Variants in ERICH6 observed in about 807,000 individuals in gnomAD.
ERICH6 encodes the protein glutamate rich 6, also known as glutamate-rich protein 6.
Under a neutral mutation model 71.0 loss-of-function variants are expected in ERICH6, and 71 were observed. The observed-to-expected ratio is 1.00, with a 90% CI of 0.83 to 1.22. The LOEUF (loss-of-function observed/expected upper bound fraction) is 1.22. Among genes scored for constraint, ERICH6 ranks in the 50% most tolerant of loss-of-function variants. The probability of loss-of-function intolerance (pLI) is 0.00; values close to 1 mark genes in which losing one functional copy is unlikely to be tolerated. For synonymous variants in ERICH6, 262 were observed against 278.4 expected (o/e 0.94, Z 0.59); for missense variants, 808 against 797.2 (o/e 1.01, Z -0.16).
At position 150,686,345 on chromosome 3, in the gene ERICH6, G is replaced by A; in HGVS notation, c.563C>T (p.Ala188Val). 2 of 1,614,128 alleles carry A rather than the reference G, an allele frequency of 1.2e-6. No homozygotes were observed. The highest frequency in any genetic ancestry group is 1.7e-6 in the Non-Finnish European group (2 of 1,180,008). ...TTCAGGTTCAGCTTTCTCTTTAGAGGCTTTCTTCCCTGTGAAAACAGGGTA... is the reference window on the plus strand; with the variant it reads ...TTCAGGTTCAGCTTTCTCTTTAGAGACTTTCTTCCCTGTGAAAACAGGGTA... The part of the protein sequence containing the change: ...LSDKVQSRKK[A>V]SKEKAEPECL... Residue 188 changes from alanine to valine, a missense_variant, in exon 4 of 14, where the codon GCC becomes GTC. This residue lies in a region of ERICH6 where 736 missense variants were observed against 712.2 expected (regional missense o/e 1.03). Transcript: ENST00000295910.
chr3:150,703,358 T>G (rs1713011791), intron 1 of ERICH6, 138 bp downstream of exon 1: 2 of 1,419,126 alleles, frequency 1.4e-6, no homozygotes, highest in East Asian at 5.1e-5. Context: ...TGAGAGAGAT[T>G]AGGTGTGTGG....
At chr3:150,683,758 T>C (rs1712062357) in intron 6 of ERICH6, among the ~76,000 whole-genome samples, 1 of 151,852 alleles carries the variant, frequency 6.6e-6, no homozygotes, top group Admixed American at 6.6e-5. Flanking sequence ...TGAGACTCCA[T>C]CTCAAAACAA....
At position 150,701,562 on chromosome 3, in the gene ERICH6, A is replaced by C. The variant is rs930207184; in HGVS notation, c.461+559T>G. On this transcript the variant is annotated intron_variant, in intron 2 of 13. Transcript: ENST00000295910. ...GACAGAACAATTCTCCTTAGACTTAAGAATTCAAAAGTTGCTTACAAAAGC... is the reference window on the plus strand; with the variant it reads ...GACAGAACAATTCTCCTTAGACTTACGAATTCAAAAGTTGCTTACAAAAGC... Among the ~76,000 whole-genome samples the C allele has an allele frequency of 2.0e-5, 3 of 152,332 alleles. No homozygotes were observed. The East Asian group carries it at 5.8e-4, about 29-fold the overall frequency.
At position 150,680,500 on chromosome 3, in the gene ERICH6, A is replaced by G. The variant is rs1463685739; in HGVS notation, c.1079T>C (p.Ile360Thr). Residue 360 changes from isoleucine (I) to threonine (T), a missense_variant, in exon 9 of 14, where the codon ATA (isoleucine) becomes ACA (threonine). This residue lies in a region of ERICH6 where 736 missense variants were observed against 712.2 expected (regional missense o/e 1.03). Coordinates refer to ENST00000295910, the MANE Select transcript of ERICH6 (RefSeq NM_152394.5). ...EQRMARHFAI[I>T]SREQTHFSED... ...AGAGAAATGAGTCTGTTCCCTTGAT[A>G]TTATTGCAAAATGTCTGGCCATTCG... 1 of 1,614,220 alleles carries G rather than the reference A, an allele frequency of 6.2e-7. No homozygotes were observed. Among genetic ancestry groups the G allele is most frequent in the Non-Finnish European group, 8.5e-7 (1 of 1,180,014 alleles).
chr3:150,695,233 C>A (rs946583364), intron 3 of ERICH6, among the ~76,000 whole-genome samples: 1 of 152,168 alleles, frequency 6.6e-6, no homozygotes, highest in Non-Finnish European at 1.5e-5. Flanking sequence ...GTCCACTAGA[C>A]CCTCAACTGA....
At chr3:150,703,460 G>C in intron 1 of ERICH6, 36 bp downstream of exon 1, 9 of 1,528,564 alleles carry the variant, frequency 5.9e-6, no homozygotes, top group Non-Finnish European at 6.1e-6. Context: ...CTGGAGACGA[G>C]AAACCCTCGA....
Position 150,666,823 on chromosome 3 carries a change from G to A in ERICH6, c.1692C>T (p.Gly564=), listed in dbSNP as rs748571923. 1 of 1,613,988 alleles carries A rather than the reference G, an allele frequency of 6.2e-7. No individual in the cohort carries two copies. Among genetic ancestry groups the A allele is most frequent in the South Asian group, 1.1e-5 (1 of 91,062 alleles). ...DKISITFLAM[G]QQARISVGTK... is the part of the protein sequence containing the mutation. ...TTCCAACACTGATTCTTGCCTGTTG[G>A]CCCATTGCTAGAAAAGTTATAGAAA... The change falls in exon 13 of 14, where the codon GGC becomes GGT. Residue 564 remains glycine (G), a synonymous_variant. Coordinates refer to ENST00000295910, the MANE Select transcript of ERICH6 (RefSeq NM_152394.5).
At position 150,703,587 on chromosome 3, in the gene ERICH6, A is replaced by G; in HGVS notation, c.312T>C (p.Pro104=). The change falls in exon 1 of 14, where the codon CCT becomes CCC. Residue 104 remains proline (P), a synonymous_variant. Coordinates refer to ENST00000295910, the MANE Select transcript of ERICH6 (RefSeq NM_152394.5). ...VRPRLASIVS[P]SLTSTFVPSQ... ...TGGGCACGAACGTAGAGGTCAGGCT[A>G]GGGCTGACGATGCTGGCTAAGCGGG... 3.1e-6 allele frequency: 5 copies of G among 1,613,976 alleles called. No homozygotes were observed. The highest frequency in any genetic ancestry group is 4.2e-6 in the Non-Finnish European group (5 of 1,179,970).
intron 8 of ERICH6, 109 bp downstream of exon 8, chr3:150,680,664 G>A: frequency 6.4e-7 from 1 of 1,552,414 alleles, no homozygotes; most frequent in Non-Finnish European, 8.7e-7. Context: ...TGTGAATCTA[G>A]GAAATACATC....
At chr3:150,693,218 T>A (rs1318927720) in intron 3 of ERICH6, among the ~76,000 whole-genome samples, 2 of 152,236 alleles carry the variant, frequency 1.3e-5, no homozygotes, top group East Asian at 3.8e-4. Context: ...AATACAGTTA[T>A]TTGTATAAGT....
intron 10 of ERICH6, among the ~76,000 whole-genome samples, chr3:150,676,396 TTA>T (rs140061698): frequency 3.3e-5 from 5 of 152,308 alleles, no homozygotes; most frequent in African/African-American, 4.8e-5. Flanking sequence ...ATGATCACGG[TTA>T]GACTTCCTCA....
chr3:150,669,547 C>A, intron 11 of ERICH6, 96 bp from the exon 12 acceptor site: 1 of 1,361,934 alleles, frequency 7.3e-7, no homozygotes, highest in African/African-American at 1.5e-5. Flanking sequence ...AATCATAAAG[C>A]ATTCTGAAAA....
chr3:150,701,191 T>TTAACA (rs1712857029), intron 2 of ERICH6, among the ~76,000 whole-genome samples: 1 of 152,194 alleles, frequency 6.6e-6, no homozygotes, highest in African/African-American at 2.4e-5. Context: ...AGGAAGTGCA[T>TTAACA]TAACATGTTA....
intron 3 of ERICH6, among the ~76,000 whole-genome samples, chr3:150,695,625 G>A (rs1164021241): frequency 2.0e-5 from 3 of 152,024 alleles, no homozygotes; most frequent in Non-Finnish European, 2.9e-5. Flanking sequence ...CCGAGATCGC[G>A]CCACTCCACT....
chr3:150,699,007 T>C, intron 2 of ERICH6, 125 bp from the exon 3 acceptor site: 1 of 656,522 alleles, frequency 1.5e-6, no homozygotes, highest in Non-Finnish European at 2.6e-6. Context: ...TTTGAAATAT[T>C]TTCTTCCATT....
intron 6 of ERICH6, among the ~76,000 whole-genome samples, chr3:150,683,579 C>A (rs545859721): frequency 1.3e-5 from 2 of 152,074 alleles, no homozygotes; most frequent in African/African-American, 2.4e-5. Flanking sequence ...GCCTGGTAAA[C>A]CCTGTCTCTG....
In ERICH6 at chr3:150,686,330, G is replaced by A; in HGVS notation, c.578C>T (p.Ala193Val). Residue 193 changes from alanine to valine, a missense_variant, in exon 4 of 14, where the codon GCT becomes GTT. By Grantham distance (64) the Ala-to-Val change is moderately conservative (BLOSUM62 0). This residue lies in a region of ERICH6 where 736 missense variants were observed against 712.2 expected (regional missense o/e 1.03). Transcript: ENST00000295910. The stretch of plus-strand genomic sequence containing the variant: ...CTTAGATGCCAGACATTCAGGTTCA[G>A]CTTTCTCTTTAGAGGCTTTCTTCCC... Reference protein sequence around the residue: ...QSRKKASKEKAEPECLASKLR... With the variant: ...QSRKKASKEKVEPECLASKLR... 6.2e-7 allele frequency: 1 copy of A among 1,614,140 alleles called. No homozygotes were observed. The highest frequency in any genetic ancestry group is 2.2e-5 in the East Asian group (1 of 44,886).
rs1408914741 is a variant in ERICH6 at position 150,686,361 on chromosome 3, A to T, written c.554-7T>A. ...TCTTTAGAGGCTTTCTTCCCTGTGAAAACAGGGTACATGTGTCATCAATCT... is the reference window on the plus strand; with the variant it reads ...TCTTTAGAGGCTTTCTTCCCTGTGATAACAGGGTACATGTGTCATCAATCT... On this transcript the variant is annotated splice_region_variant and splice_polypyrimidine_tract_variant and intron_variant, in intron 3 of 13. Coordinates refer to ENST00000295910, the MANE Select transcript of ERICH6 (RefSeq NM_152394.5). 1 of 1,613,346 alleles carries T rather than the reference A, an allele frequency of 6.2e-7. No individual in the cohort carries two copies. The highest frequency in any genetic ancestry group is 1.3e-5 in the African/African-American group (1 of 74,932).
intron 9 of ERICH6, among the ~76,000 whole-genome samples, chr3:150,679,329 C>T (rs1202396755): frequency 6.6e-6 from 1 of 152,062 alleles, no homozygotes; most frequent in Non-Finnish European, 1.5e-5. Flanking sequence ...GCACTTACTA[C>T]CTGAGCAGTG....
Sources: allele counts gnomAD v4.1 joint callset (sites outside exome capture counted in the v4.1 genomes callset), GRCh38; gene constraint gnomAD v4.1.1; regional missense constraint gnomAD v4.1.1; transcripts MANE v1.5; gene names NCBI Gene and HGNC (gene_info 2026-07-23, HGNC 2026-07-21).